TOP2A: variants seen among roughly 807,000 people sequenced by gnomAD.
TOP2A encodes DNA topoisomerase II alpha.
Under a neutral mutation model 187.2 loss-of-function variants are expected in TOP2A, and 68 were observed. The observed-to-expected ratio is 0.36, with a 90% CI of 0.30 to 0.44. TOP2A has a LOEUF of 0.44. TOP2A is among the 20% of genes least tolerant of loss of function. TOP2A has a pLI of 1.00. For missense variants in TOP2A, 1,196 were observed against 1,808.7 expected, an observed-to-expected ratio of 0.66 and a Z score of 6.14; for synonymous variants, 542 against 593.2, an observed-to-expected ratio of 0.91 and a Z score of 1.25.
intron 13 of TOP2A, 81 bp from the exon 14 acceptor site, chr17:40,407,023 G>C: frequency 1.7e-6 from 2 of 1,152,226 alleles, no homozygotes; most frequent in Non-Finnish European, 2.5e-6. Flanking sequence ...CAGAACTTTG[G>C]GAGGCCGAGG....
In TOP2A at chr17:40,406,512, C is replaced by A. The variant is rs1262325603; in HGVS notation, c.1844-19G>T. The A allele has an allele frequency of 6.2e-7, 1 of 1,610,972 alleles. No individual in the cohort carries two copies. The highest frequency in any genetic ancestry group is 8.5e-7 in the Non-Finnish European group (1 of 1,177,780). The stretch of plus-strand genomic sequence containing the variant: ...CCCAAACCTATAAAACCAAAAATAC[C>A]AAGTTCCTTCATATAGTCTTGTACA... On this transcript the variant is annotated intron_variant, in intron 15 of 34. Coordinates refer to ENST00000423485, the MANE Select transcript of TOP2A (RefSeq NM_001067.4).
intron 21 of TOP2A, 66 bp from the exon 22 acceptor site, chr17:40,400,729 G>A (rs1411940193): frequency 5.9e-6 from 9 of 1,538,050 alleles, no homozygotes; most frequent in African/African-American, 5.5e-5. Flanking sequence ...TCACAACAGC[G>A]TTTAACAATA....
At chr17:40,392,536 G>A (rs764462318) in intron 30 of TOP2A, 49 bp downstream of exon 30, 2 of 1,566,158 alleles carry the variant, frequency 1.3e-6, no homozygotes, top group East Asian at 4.5e-5. Context: ...AAGTATATTG[G>A]CCATTCCACT....
At chr17:40,393,054 G>C (rs1355275523) in intron 29 of TOP2A, among the ~76,000 whole-genome samples, 1 of 152,134 alleles carries the variant, frequency 6.6e-6, no homozygotes, top group African/African-American at 2.4e-5. Flanking sequence ...GGGTGCGGTG[G>C]CTCACACCTG....
In TOP2A at chr17:40,411,609, G is replaced by C. The variant is rs2143681865; in HGVS notation, c.963+36C>G. On this transcript the variant is annotated intron_variant, in intron 8 of 34. Transcript: ENST00000423485. The surrounding 1 kb of genome is among the most constrained non-coding windows in gnomAD (Gnocchi z 4.4). ...AACAATAAGAACACATATATGTAAA[G>C]ATAAATCATGATTAATAATTTAAGA... The C allele has an allele frequency of 1.3e-6, 2 of 1,584,672 alleles. No homozygotes were observed. Among genetic ancestry groups the C allele is most frequent in the East Asian group, 4.6e-5 (2 of 43,944 alleles).
Position 40,416,850 on chromosome 17 carries a change from C to T in TOP2A, c.67G>A (p.Asp23Asn). ...MQVNKIKKNE[D>N]AKKRLSVERI... ...TCAACAGACAGTCTTTTCTTAGCAT[C>T]TTCATTTTTCTTTATTTTGTTGACT... The change falls in exon 2 of 35, where the codon GAT (aspartate) becomes AAT (asparagine). Residue 23 changes from aspartate to asparagine, a missense_variant. Physicochemically the swap from Asp to Asn is conservative, Grantham distance 23. Around this residue, in one of 10 missense-constraint regions of TOP2A, gnomAD observed 97 missense variants for 171.0 expected, o/e 0.57. Coordinates refer to ENST00000423485, the MANE Select transcript of TOP2A (RefSeq NM_001067.4). 2.5e-6 allele frequency: 4 copies of T among 1,607,274 alleles called. No individual in the cohort carries two copies. The highest frequency in any genetic ancestry group is 3.4e-6 in the Non-Finnish European group (4 of 1,177,652).
At chr17:40,391,796 G>T in intron 32 of TOP2A, 156 bp from the exon 33 acceptor site, 2 of 961,058 alleles carry the variant, frequency 2.1e-6, no homozygotes, top group Non-Finnish European at 1.5e-6. Flanking sequence ...TCTAATTTCT[G>T]AATTTTTTAT....
At position 40,399,855 on chromosome 17, in the gene TOP2A, T is replaced by C. The variant is rs750027235; in HGVS notation, c.3196+17A>G. On this transcript the variant is annotated intron_variant, in intron 24 of 34. Coordinates refer to ENST00000423485, the MANE Select transcript of TOP2A (RefSeq NM_001067.4). ...TAACTAGAGTTTTAGTAAGCAGTTA[T>C]TATTCCCAAAACATACCAATGATTA... is the stretch of plus-strand genomic sequence containing the variant. The C allele has an allele frequency of 7.6e-6, 12 of 1,573,590 alleles. No homozygotes were observed. Among genetic ancestry groups the C allele is most frequent in the Non-Finnish European group, 1.0e-5 (12 of 1,163,154 alleles).
intron 7 of TOP2A, among the ~76,000 whole-genome samples, chr17:40,412,142 G>C (rs569396189): frequency 7.9e-5 from 12 of 152,298 alleles, no homozygotes; most frequent in African/African-American, 1.4e-4. Flanking sequence ...GCTGTAGTGA[G>C]CCGTGATTGC....
At chr17:40,406,992 G>A (rs768240754) in intron 13 of TOP2A, 50 bp from the exon 14 acceptor site, 2 of 1,417,722 alleles carry the variant, frequency 1.4e-6, no homozygotes, top group African/African-American at 2.8e-5. Flanking sequence ...GGCTGGGCGT[G>A]GTAGCTAACA....
Position 40,404,838 on chromosome 17 carries a change from T to C in TOP2A, c.1999A>G (p.Asn667Asp), listed in dbSNP as rs1242276493. The change falls in exon 17 of 35, where the codon AAT becomes GAT. Residue 667 changes from asparagine to aspartate, a missense_variant. Around this residue, in one of 10 missense-constraint regions of TOP2A, gnomAD observed 209 missense variants for 376.9 expected, o/e 0.55. Coordinates refer to ENST00000423485, the MANE Select transcript of TOP2A (RefSeq NM_001067.4). ...CGTTGTCTTCTATCCTCCATGAAATTAGTTAACCATTCCTTTCGATCATCT... is the reference window on the plus strand; with the variant it reads ...CGTTGTCTTCTATCCTCCATGAAATCAGTTAACCATTCCTTTCGATCATCT... ...QIDDRKEWLT[N>D]FMEDRRQRKL... 2 of 1,603,414 alleles carry C rather than the reference T, an allele frequency of 1.2e-6. No homozygotes were observed. The highest frequency in any genetic ancestry group is 1.7e-6 in the Non-Finnish European group (2 of 1,174,328).
At position 40,414,228 on chromosome 17, in the gene TOP2A, C is replaced by T. The variant is rs1159083255; in HGVS notation, c.333-603G>A. 3.3e-5 allele frequency among the ~76,000 whole-genome samples: 5 copies of T among 152,118 alleles called. No individual in the cohort carries two copies. The East Asian group carries it at 5.8e-4, about 18-fold the overall frequency. On this transcript the variant is annotated intron_variant, in intron 4 of 34. Transcript: ENST00000423485. ...CCACTCCTTTTTTGAGACAGCATCTCGCTCTGTCACCCAGGCTGCAGTGTA... is the reference window on the plus strand; with the variant it reads ...CCACTCCTTTTTTGAGACAGCATCTTGCTCTGTCACCCAGGCTGCAGTGTA...
intron 10 of TOP2A, chr17:40,409,967 A>G: frequency 5.7e-6 from 1 of 174,058 alleles, no homozygotes; most frequent in Non-Finnish European, 1.2e-5. Flanking sequence ...GCATGCCTGT[A>G]ATCTCAGCTA....
Position 40,389,608 on chromosome 17 carries a change from C to T in TOP2A, c.4507G>A (p.Asp1503Asn). The change falls in exon 35 of 35, where the codon GAC (aspartate) becomes AAC (asparagine). Residue 1503 changes from aspartate (D) to asparagine (N), a missense_variant. By Grantham distance (23) the Asp-to-Asn change is conservative (BLOSUM62 1). Around this residue, in one of 10 missense-constraint regions of TOP2A, gnomAD observed 374 missense variants for 403.3 expected, o/e 0.93. Transcript: ENST00000423485. ...GESDDFHMDF[D>N]SAVAPRAKSV... ...TTTGCCCGAGGAGCCACAGCTGAGT[C>T]AAAGTCCATATGGAAGTCATCACTC... is the stretch of plus-strand genomic sequence containing the variant. The T allele has an allele frequency of 6.2e-7, 1 of 1,608,800 alleles. No homozygotes were observed. Among genetic ancestry groups the T allele is most frequent in the South Asian group, 1.1e-5 (1 of 89,702 alleles).
chr17:40,398,488 C>T, intron 27 of TOP2A, 70 bp downstream of exon 27: 1 of 1,319,752 alleles, frequency 7.6e-7, no homozygotes, highest in Middle Eastern at 1.9e-4. Flanking sequence ...ACTATCTTGA[C>T]AAAGGTATAC....
In TOP2A at chr17:40,391,517, G is replaced by A. The variant is rs180671657; in HGVS notation, c.4256C>T (p.Thr1419Ile). The A allele has an allele frequency of 4.3e-6, 7 of 1,610,384 alleles. No homozygotes were observed. Among genetic ancestry groups the A allele is most frequent in the Non-Finnish European group, 5.9e-6 (7 of 1,178,840 alleles). Residue 1419 changes from threonine to isoleucine, a missense_variant, in exon 33 of 35, where the codon ACA becomes ATA. Coordinates refer to ENST00000423485, the MANE Select transcript of TOP2A (RefSeq NM_001067.4). ...AGATTTAGGCTTACTTTTTGCTGCT[G>A]TCTTCTTCACTGTCACATTCTTTTT... ...VPKKNVTVKKTAAKSQSSTST... is the reference protein window; with the variant it reads ...VPKKNVTVKKIAAKSQSSTST...
intron 4 of TOP2A, among the ~76,000 whole-genome samples, chr17:40,415,313 C>CA (rs1373795963): frequency 6.6e-6 from 1 of 152,138 alleles, no homozygotes; most frequent in African/African-American, 2.4e-5. Context: ...ATCGGCCTCC[C>CA]AAAGTGCTGG....
At chr17:40,409,714 A>C (rs1249937527) in intron 10 of TOP2A, 1 of 210,628 alleles carries the variant, frequency 4.7e-6, no homozygotes, top group East Asian at 1.5e-4. Context: ...TGGGAGGCAG[A>C]GATTGCAATG....
At position 40,389,302 on chromosome 17, in the gene TOP2A, C is replaced by G; in HGVS notation, c.*217G>C. 4.7e-6 allele frequency: 2 copies of G among 429,404 alleles called. No individual in the cohort carries two copies. The highest frequency in any genetic ancestry group is 8.1e-6 in the Non-Finnish European group (2 of 246,742). 26.6% of individuals were successfully genotyped at this position (429,404 alleles called of 1,614,324 possible). A position where few individuals can be genotyped will look rare whatever the true frequency, so the allele number is the denominator to read the frequency against. On this transcript the variant is annotated 3_prime_UTR_variant, in exon 35 of 35. Transcript: ENST00000423485. Reference sequence around the variant, plus strand: ...AAAGAAAGCAGACTCAAAACACAGACAAAGCAGAGAAGAAAACAATGCCCA... The same window carrying G: ...AAAGAAAGCAGACTCAAAACACAGAGAAAGCAGAGAAGAAAACAATGCCCA...
Sources: gnomAD v4.1 joint callset for allele counts (sites outside exome capture counted in the v4.1 genomes callset) on GRCh38, gnomAD v4.1.1 for gene constraint, gnomAD v4.1.1 regional missense constraint, Gnocchi (gnomAD v3.1) non-coding constraint, MANE v1.5 for transcripts, NCBI Gene and HGNC (gene_info 2026-07-23, HGNC 2026-07-21) for gene names.